Variants in RBMS3 observed in about 807,000 individuals in gnomAD.
The protein encoded by RBMS3 is RNA binding motif single stranded interacting protein 3.
A neutral mutation model predicts 66.8 loss-of-function variants in RBMS3; 27 were observed. That is an observed-to-expected ratio of 0.40 (90% CI 0.30 to 0.56). The LOEUF is 0.56. Ranked by LOEUF, RBMS3 falls within the 20% of genes least tolerant of loss-of-function variation. The pLI, the probability that RBMS3 is intolerant of heterozygous loss-of-function variation, is 0.40. For synonymous variants in RBMS3, 188 were observed against 183.0 expected (o/e 1.03, Z -0.22); for missense variants, 513 against 549.5 (o/e 0.93, Z 0.66).
intron 3 of RBMS3, among the ~76,000 whole-genome samples, chr3:29,533,206 A>G (rs369307019): frequency 6.0e-4 from 91 of 152,264 alleles, no homozygotes; most frequent in African/African-American, 2.1e-3. Context: ...GGCTAGGTAC[A>G]GTGGCTCATG....
intron 3 of RBMS3, among the ~76,000 whole-genome samples, chr3:29,490,086 A>T (rs995014953): frequency 6.6e-6 from 1 of 150,982 alleles, no homozygotes; most frequent in Non-Finnish European, 1.5e-5. Flanking sequence ...GGACAGAAAC[A>T]AGAAAGGGGT....
intron 4 of RBMS3, among the ~76,000 whole-genome samples, chr3:29,714,062 C>A (rs1480153467): frequency 3.3e-5 from 5 of 149,856 alleles, no homozygotes; most frequent in African/African-American, 1.2e-4. Flanking sequence ...CTCAAAAAAA[C>A]AAAAGAAAAG....
intron 2 of RBMS3, among the ~76,000 whole-genome samples, chr3:29,468,985 G>A (rs929982292): frequency 2.6e-5 from 4 of 152,054 alleles, no homozygotes; most frequent in Non-Finnish European, 5.9e-5. Context: ...GTGAATTATA[G>A]AGAAATGGTG....
chr3:29,880,794 A>G (rs1037387974), intron 7 of RBMS3: 57 of 1,536,226 alleles, frequency 3.7e-5, no homozygotes, highest in East Asian at 4.9e-5. Context: ...CAGAGGCAGG[A>G]CTGTCCCTAG....
At chr3:29,788,607 T>TA (rs2056904346) in intron 6 of RBMS3, among the ~76,000 whole-genome samples, 1 of 152,192 alleles carries the variant, frequency 6.6e-6, no homozygotes, top group Non-Finnish European at 1.5e-5. Context: ...ATATGTACAA[T>TA]ATTTTTTATT....
At chr3:29,894,146 A>G (rs1054160257) in intron 8 of RBMS3, among the ~76,000 whole-genome samples, 7 of 151,580 alleles carry the variant, frequency 4.6e-5, no homozygotes, top group African/African-American at 1.7e-4. Flanking sequence ...TAGAAATTCA[A>G]GATCAATGTA....
intron 1 of RBMS3, among the ~76,000 whole-genome samples, chr3:29,344,956 C>A (rs1398386041): frequency 2.0e-5 from 3 of 152,180 alleles, no homozygotes; most frequent in Non-Finnish European, 2.9e-5. Context: ...TGTAGCTCAA[C>A]AAAATGTCTT....
chr3:29,451,472 A>C (rs993871843), intron 2 of RBMS3, among the ~76,000 whole-genome samples: 1 of 152,134 alleles, frequency 6.6e-6, no homozygotes, highest in Non-Finnish European at 1.5e-5. Flanking sequence ...AAAAAAGACC[A>C]CTCAACCAGC....
chr3:29,816,303 CACACACAG>C (rs1214640817), intron 6 of RBMS3, among the ~76,000 whole-genome samples: 838 of 42,422 alleles, frequency 0.02, 7 homozygotes, highest in Middle Eastern at 0.059. Context: ...CACACACAGA[CACACACAG>C]ACACACACAC....
intron 2 of RBMS3, among the ~76,000 whole-genome samples, chr3:29,445,837 T>C (rs1347490014): frequency 2.6e-5 from 4 of 152,182 alleles, no homozygotes; most frequent in Admixed American, 2.6e-4. Flanking sequence ...GTAGTATCTC[T>C]TGAGAAACAA....
intron 3 of RBMS3, among the ~76,000 whole-genome samples, chr3:29,577,421 A>G (rs998264605): frequency 1.5e-4 from 23 of 152,232 alleles, no homozygotes; most frequent in African/African-American, 5.3e-4. Context: ...GTGTCTCCCT[A>G]GGTCTCATGC....
chr3:29,950,493 G>A (rs773583025), intron 12 of RBMS3, among the ~76,000 whole-genome samples: 2 of 151,846 alleles, frequency 1.3e-5, no homozygotes, highest in African/African-American at 2.4e-5. Flanking sequence ...TAAATCAACA[G>A]CACAAAGTGG....
chr3:29,898,120 G>A (rs1016168276), intron 9 of RBMS3, among the ~76,000 whole-genome samples: 1 of 151,530 alleles, frequency 6.6e-6, no homozygotes, highest in African/African-American at 2.4e-5. Context: ...TACATAGGTC[G>A]ATTAAAATAG....
intron 1 of RBMS3, among the ~76,000 whole-genome samples, chr3:29,428,782 A>G (rs2041065091): frequency 6.6e-6 from 1 of 152,210 alleles, no homozygotes; most frequent in Admixed American, 6.5e-5. Flanking sequence ...CAAACCATGA[A>G]TCTTGACAAA....
At chr3:29,987,048 T>C (rs1002916964) in intron 12 of RBMS3, among the ~76,000 whole-genome samples, 5 of 152,196 alleles carry the variant, frequency 3.3e-5, no homozygotes, top group Non-Finnish European at 7.3e-5. Context: ...CTGAATATAC[T>C]AAGATACACA....
intron 2 of RBMS3, 73 bp downstream of exon 2, chr3:29,434,988 A>G (rs1287941691): frequency 1.3e-5 from 19 of 1,467,470 alleles, no homozygotes; most frequent in Non-Finnish European, 1.5e-5. Context: ...GTGTTATTTC[A>G]GTCAATGTAC....
rs115371927 is a variant in RBMS3 at position 29,678,830 on chromosome 3, C to G, written c.400-60890C>G. On this transcript the variant is annotated intron_variant, in intron 4 of 14. Transcript: ENST00000383767. ...GATTCAACATATGGAGTCCAGGGGC[C>G]CATCTACCCCTCCATTTTATTGAGA... Among the ~76,000 whole-genome samples the G allele has an allele frequency of 5.1e-3, 778 of 151,986 alleles. 4 individuals are homozygous for G. Among genetic ancestry groups the G allele is most frequent in the Middle Eastern group, 0.027 (8 of 292 alleles).
intron 4 of RBMS3, among the ~76,000 whole-genome samples, chr3:29,703,220 G>A (rs894109242): frequency 1.3e-5 from 2 of 152,100 alleles, no homozygotes; most frequent in Non-Finnish European, 2.9e-5. Context: ...AGTTTGTTTC[G>A]AGGGTCCACT....
intron 4 of RBMS3, among the ~76,000 whole-genome samples, chr3:29,624,005 A>G (rs1017401530): frequency 6.6e-6 from 1 of 152,242 alleles, no homozygotes; most frequent in Non-Finnish European, 1.5e-5. Context: ...ATGTGCTAAA[A>G]TATATGCCTA....
Sources: allele counts gnomAD v4.1 joint callset (sites outside exome capture counted in the v4.1 genomes callset), GRCh38; gene constraint gnomAD v4.1.1; transcripts MANE v1.5; gene names NCBI Gene and HGNC (gene_info 2026-07-23, HGNC 2026-07-21).